The following GPC5 variants were observed in gnomAD, a reference collection of about 807,000 sequenced individuals.
GPC5 encodes glypican 5.
In GPC5, 47 loss-of-function variants were observed where a neutral mutation model predicts 53.9. The observed-to-expected ratio is 0.87, with a 90% CI of 0.69 to 1.11. The LOEUF is 1.11. GPC5 is among the 50% of genes most tolerant of loss of function. GPC5 has a pLI of 0.00. For synonymous variants in GPC5, 286 were observed against 263.3 expected (o/e 1.09, Z -0.84); for missense variants, 748 against 713.1 (o/e 1.05, Z -0.56).
intron 2 of GPC5, among the ~76,000 whole-genome samples, chr13:91,647,210 T>A (rs1207977583): frequency 6.6e-6 from 1 of 151,966 alleles, no homozygotes; most frequent in Non-Finnish European, 1.5e-5. Flanking sequence ...ATAAATATAA[T>A]GTGCACCTCT....
In GPC5 at chr13:92,355,126, T is replaced by C. The variant is rs1287789577; in HGVS notation, c.1561+210137T>C. The stretch of plus-strand genomic sequence containing the variant: ...CTGTTATTAATGAAATTAGTATATA[T>C]GTATACATAGATGTATATATTTTAT... On this transcript the variant is annotated intron_variant, in intron 7 of 7. Transcript: ENST00000377067. 3.3e-5 allele frequency among the ~76,000 whole-genome samples: 5 copies of C among 151,908 alleles called. No homozygotes were observed. In the South Asian group the frequency reaches 1.0e-3, roughly 31 times the overall value.
chr13:92,202,022 A>G (rs1285544738), intron 7 of GPC5, among the ~76,000 whole-genome samples: 3 of 152,200 alleles, frequency 2.0e-5, no homozygotes, highest in Non-Finnish European at 4.4e-5. Flanking sequence ...AAGGAAAGTC[A>G]ATTAAATACT....
intron 7 of GPC5, among the ~76,000 whole-genome samples, chr13:92,821,107 C>T (rs1231972859): frequency 6.6e-6 from 1 of 152,148 alleles, no homozygotes; most frequent in Admixed American, 6.6e-5. Flanking sequence ...ATTGTGTCCA[C>T]TGTTTCCATG....
chr13:91,663,158 AGTATGGTT>A (rs2035025726), intron 2 of GPC5, among the ~76,000 whole-genome samples: 2 of 152,216 alleles, frequency 1.3e-5, no homozygotes, highest in African/African-American at 4.8e-5. Context: ...TACTTAGTTC[AGTATGGTT>A]ATATTCAATA....
chr13:91,544,953 T>A (rs1328522898), intron 2 of GPC5, among the ~76,000 whole-genome samples: 1 of 152,154 alleles, frequency 6.6e-6, no homozygotes, highest in African/African-American at 2.4e-5. Flanking sequence ...ACTCAGTTCC[T>A]CACTGTCTCA....
intron 1 of GPC5, among the ~76,000 whole-genome samples, chr13:91,420,708 A>G (rs750699453): frequency 6.6e-6 from 1 of 152,088 alleles, no homozygotes; most frequent in Non-Finnish European, 1.5e-5. Flanking sequence ...AGGTGATTGG[A>G]TGGTGGGGGC....
intron 7 of GPC5, among the ~76,000 whole-genome samples, chr13:92,804,857 GT>G (rs1159814176): frequency 2.0e-5 from 3 of 151,964 alleles, no homozygotes; most frequent in African/African-American, 7.2e-5. Flanking sequence ...TACATATTTT[GT>G]TACCATTTCA....
At chr13:91,926,278 T>C (rs186081770) in intron 6 of GPC5, among the ~76,000 whole-genome samples, 29 of 150,214 alleles carry the variant, frequency 1.9e-4, no homozygotes, top group Non-Finnish European at 3.4e-4. Context: ...GGAGAATCAC[T>C]TGAACCTGGG....
At chr13:91,465,226 G>C (rs956128624) in intron 2 of GPC5, among the ~76,000 whole-genome samples, 1 of 151,964 alleles carries the variant, frequency 6.6e-6, no homozygotes, top group Admixed American at 6.6e-5. Context: ...CATATTTATT[G>C]TAGGGGCAAT....
chr13:92,722,912 G>A (rs1201136495), intron 7 of GPC5, among the ~76,000 whole-genome samples: 1 of 151,734 alleles, frequency 6.6e-6, no homozygotes, highest in Non-Finnish European at 1.5e-5. Flanking sequence ...ACCACTCAAT[G>A]ATTCATATTT....
chr13:91,663,259 C>T (rs2035027874), intron 2 of GPC5, among the ~76,000 whole-genome samples: 1 of 152,076 alleles, frequency 6.6e-6, no homozygotes, highest in Non-Finnish European at 1.5e-5. Context: ...GTTTAGTTCT[C>T]ATTATTTCAG....
chr13:91,707,195 C>A (rs1338820205), intron 3 of GPC5, among the ~76,000 whole-genome samples: 1 of 151,988 alleles, frequency 6.6e-6, no homozygotes. Context: ...TACACACTCT[C>A]CAAAGAAGGC....
intron 6 of GPC5, among the ~76,000 whole-genome samples, chr13:92,093,116 T>C (rs796070845): frequency 6.6e-6 from 1 of 152,160 alleles, no homozygotes; most frequent in South Asian, 2.1e-4. Flanking sequence ...CCATTGAAAA[T>C]GTTTACTAAT....
At chr13:92,462,222 T>G (rs1594222049) in intron 7 of GPC5, among the ~76,000 whole-genome samples, 1 of 152,252 alleles carries the variant, frequency 6.6e-6, no homozygotes, top group Non-Finnish European at 1.5e-5. Context: ...GCTGGCTCAT[T>G]GAAAACAGAC....
chr13:92,454,147 C>T (rs1878174912), intron 7 of GPC5, among the ~76,000 whole-genome samples: 1 of 152,128 alleles, frequency 6.6e-6, no homozygotes. Context: ...CAAAACAATA[C>T]AAAAATAGCC....
At position 92,417,438 on chromosome 13, in the gene GPC5, T is replaced by C. The variant is rs756346588; in HGVS notation, c.1561+272449T>C. Among the ~76,000 whole-genome samples the C allele has an allele frequency of 2.2e-4, 33 of 152,296 alleles. No homozygotes were observed. The South Asian group carries it at 2.5e-3, about 11-fold the overall frequency. On this transcript the variant is annotated intron_variant, in intron 7 of 7. Transcript: ENST00000377067. Reference sequence around the variant, plus strand: ...GTGTAGCTTTTCTGGAAAACAGTCTTGTAGTTCCTCAAAACATCAAAGTTA... The same window carrying C: ...GTGTAGCTTTTCTGGAAAACAGTCTCGTAGTTCCTCAAAACATCAAAGTTA...
intron 3 of GPC5, among the ~76,000 whole-genome samples, chr13:91,722,768 C>A (rs2036500581): frequency 6.6e-6 from 1 of 152,142 alleles, no homozygotes; most frequent in Non-Finnish European, 1.5e-5. Context: ...AAACAGAAGA[C>A]CTTCTTTACT....
At chr13:92,072,233 A>C (rs1002566207) in intron 6 of GPC5, among the ~76,000 whole-genome samples, 4 of 149,622 alleles carry the variant, frequency 2.7e-5, no homozygotes, top group Admixed American at 6.7e-5. Flanking sequence ...TTTTTAAAGA[A>C]TGTTTGGCTA....
chr13:91,628,270 ATTAAG>A (rs969495961), intron 2 of GPC5, among the ~76,000 whole-genome samples: 2 of 151,794 alleles, frequency 1.3e-5, no homozygotes, highest in South Asian at 2.1e-4. Flanking sequence ...TTTTTTTTCC[ATTAAG>A]TTATCACAAT....
Sources: gnomAD v4.1 joint callset for allele counts (sites outside exome capture counted in the v4.1 genomes callset) on GRCh38, gnomAD v4.1.1 for gene constraint, MANE v1.5 for transcripts, NCBI Gene and HGNC (gene_info 2026-07-23, HGNC 2026-07-21) for gene names.